CCDC7: variants seen among roughly 807,000 people sequenced by gnomAD.
CCDC7 encodes the protein coiled-coil domain-containing protein 7.
In CCDC7, 183 loss-of-function variants were observed where a neutral mutation model predicts 196.9. The observed-to-expected ratio is 0.93, with a 90% CI of 0.82 to 1.05. CCDC7 has a LOEUF of 1.05. Ranked by LOEUF, CCDC7 falls within the 50% of genes least tolerant of loss-of-function variation. The pLI is 0.00. For synonymous variants in CCDC7, 525 were observed against 484.6 expected (o/e 1.08, Z -1.10); for missense variants, 1,540 against 1,482.2 (o/e 1.04, Z -0.64).
chr10:32,783,985 A>G (rs987647589), intron 29 of CCDC7, among the ~76,000 whole-genome samples: 2 of 152,180 alleles, frequency 1.3e-5, no homozygotes, highest in Non-Finnish European at 2.9e-5. Flanking sequence ...AGGCCTGGCA[A>G]TAGAGGCTAA....
intron 13 of CCDC7, among the ~76,000 whole-genome samples, chr10:32,558,660 C>T (rs768593456): frequency 4.6e-5 from 7 of 152,256 alleles, no homozygotes; most frequent in South Asian, 2.1e-4. Flanking sequence ...TGTCACCTTC[C>T]GTCAAGAATT....
intron 11 of CCDC7, among the ~76,000 whole-genome samples, chr10:32,540,381 TTC>T (rs2051210766): frequency 1.3e-5 from 2 of 152,208 alleles, no homozygotes; most frequent in Non-Finnish European, 2.9e-5. Context: ...TGGTAAATTT[TTC>T]TCTGTCTTTT....
rs1480507233 is a variant in CCDC7 at position 32,511,555 on chromosome 10, T to C, written c.873-6390T>C. ...AATAAACCCAAAACATTGAATTTAA[T>C]GTGTATGCAGAAACCAAATCCACTT... On this transcript the variant is annotated intron_variant, in intron 9 of 41. Transcript: ENST00000639629. The C allele has an allele frequency of 3.1e-6, 5 of 1,607,876 alleles. No individual in the cohort carries two copies. The South Asian group carries it at 4.4e-5, about 14-fold the overall frequency.
intron 23 of CCDC7, among the ~76,000 whole-genome samples, chr10:32,690,369 G>A (rs755761228): frequency 1.3e-5 from 2 of 152,168 alleles, no homozygotes; most frequent in Non-Finnish European, 2.9e-5. Flanking sequence ...TATTAGTTAT[G>A]TTTTCCAACT....
intron 20 of CCDC7, among the ~76,000 whole-genome samples, chr10:32,640,885 T>TTTTC (rs2066655304): frequency 7.1e-6 from 1 of 141,372 alleles, no homozygotes; most frequent in African/African-American, 2.5e-5. Flanking sequence ...TCTTTTTTTT[T>TTTTC]TTATTATACT....
intron 8 of CCDC7, among the ~76,000 whole-genome samples, chr10:32,484,069 C>G (rs1043929846): frequency 6.6e-6 from 1 of 152,174 alleles, no homozygotes; most frequent in African/African-American, 2.4e-5. Context: ...GGCATTGAAT[C>G]TATAAATTAC....
At chr10:32,585,780 G>C (rs143002661) in intron 18 of CCDC7, among the ~76,000 whole-genome samples, 1 of 152,100 alleles carries the variant, frequency 6.6e-6, no homozygotes, top group Non-Finnish European at 1.5e-5. Flanking sequence ...ATCATTGATG[G>C]GCATTTGGGT....
At chr10:32,725,632 C>A (rs566145386) in intron 25 of CCDC7, among the ~76,000 whole-genome samples, 47 of 152,208 alleles carry the variant, frequency 3.1e-4, no homozygotes, top group African/African-American at 1.1e-3. Flanking sequence ...GTACCAACAT[C>A]TGTTCAGCTT....
chr10:32,754,959 CAGG>C (rs1344372154), intron 28 of CCDC7, among the ~76,000 whole-genome samples: 11 of 152,276 alleles, frequency 7.2e-5, no homozygotes, highest in East Asian at 1.9e-4. Flanking sequence ...AACAGCACAC[CAGG>C]AGATTATATC....
chr10:32,805,597 C>T (rs559170691), intron 30 of CCDC7, among the ~76,000 whole-genome samples: 1 of 152,116 alleles, frequency 6.6e-6, no homozygotes, highest in Admixed American at 6.5e-5. Context: ...ATACTACTGC[C>T]TTTGGTACAA....
At chr10:32,623,698 T>C (rs1210154793) in intron 18 of CCDC7, 1 of 467,522 alleles carries the variant, frequency 2.1e-6, no homozygotes, top group Admixed American at 2.3e-5. Flanking sequence ...AGAGGTCTTA[T>C]TTTGTCTCAT....
intron 17 of CCDC7, 64 bp from the exon 19 acceptor site, chr10:32,584,168 C>A: frequency 1.3e-6 from 1 of 742,056 alleles, no homozygotes; most frequent in Non-Finnish European, 1.9e-6. Flanking sequence ...AATTAAATAC[C>A]AGTCTTGATA....
intron 21 of CCDC7, chr10:32,675,575 C>T (rs78198477): frequency 6.6e-6 from 1 of 152,162 alleles, no homozygotes. Flanking sequence ...ACATTATTTT[C>T]TGATTATCAA....
At chr10:32,533,649 T>A (rs920805619) in intron 11 of CCDC7, among the ~76,000 whole-genome samples, 14 of 152,210 alleles carry the variant, frequency 9.2e-5, no homozygotes, top group African/African-American at 2.9e-4. Flanking sequence ...TCCTTCATAT[T>A]TGAAGGATAA....
chr10:32,677,144 T>C (rs1469690129), intron 21 of CCDC7, among the ~76,000 whole-genome samples: 5 of 138,460 alleles, frequency 3.6e-5, no homozygotes, highest in Non-Finnish European at 7.5e-5. Flanking sequence ...ATGTTCTCAC[T>C]CATAGGTGGG....
chr10:32,808,005 T>C (rs2086219978), intron 30 of CCDC7, among the ~76,000 whole-genome samples: 1 of 152,024 alleles, frequency 6.6e-6, no homozygotes, highest in African/African-American at 2.4e-5. Flanking sequence ...ATCTATGCAG[T>C]GGGCTGCAGA....
At chr10:32,705,875 C>G (rs1000067526) in intron 24 of CCDC7, among the ~76,000 whole-genome samples, 3 of 152,066 alleles carry the variant, frequency 2.0e-5, no homozygotes, top group African/African-American at 7.2e-5. Flanking sequence ...CAATGGGAGA[C>G]TTTAACACTC....
At chr10:32,543,682 G>T (rs1166770005) in intron 12 of CCDC7, among the ~76,000 whole-genome samples, 1 of 152,030 alleles carries the variant, frequency 6.6e-6, no homozygotes, top group Non-Finnish European at 1.5e-5. Flanking sequence ...TTGTTTCTTT[G>T]ATGGTCTAGC....
intron 20 of CCDC7, among the ~76,000 whole-genome samples, chr10:32,646,214 G>T (rs1447371244): frequency 2.0e-5 from 3 of 148,716 alleles, no homozygotes; most frequent in Non-Finnish European, 4.5e-5. Flanking sequence ...ATAGGCTTTT[G>T]TATGTTGTAT....
Sources: gnomAD v4.1 joint callset for allele counts (sites outside exome capture counted in the v4.1 genomes callset) on GRCh38, gnomAD v4.1.1 for gene constraint, MANE v1.5 for transcripts, NCBI Gene and HGNC (gene_info 2026-07-23, HGNC 2026-07-21) for gene names.